GATA4: variants seen among roughly 807,000 people sequenced by gnomAD.
GATA4 encodes GATA binding protein 4, also known as transcription factor GATA-4.
GATA4 carries 7 observed loss-of-function variants against 37.9 expected under a neutral mutation model. The ratio of observed to expected loss-of-function variants is 0.18; its 90% CI spans 0.11 to 0.35. The LOEUF (loss-of-function observed/expected upper bound fraction) is 0.35, where lower values mean the gene tolerates loss of function less well. Ranked by LOEUF, GATA4 falls within the 10% of genes least tolerant of loss-of-function variation. The pLI is 1.00. For synonymous variants in GATA4, 372 were observed against 292.6 expected, an observed-to-expected ratio of 1.27 and a Z score of -2.77; for missense variants, 647 against 653.0, an observed-to-expected ratio of 0.99 and a Z score of 0.10.
intron 2 of GATA4, among the ~76,000 whole-genome samples, chr8:11,713,762 T>G (rs1226642482): frequency 6.6e-6 from 1 of 152,212 alleles, no homozygotes; most frequent in African/African-American, 2.4e-5. Flanking sequence ...GTATAGAATA[T>G]GGCTTGTCTT....
intron 2 of GATA4, among the ~76,000 whole-genome samples, chr8:11,744,254 C>A (rs1037565898): frequency 6.6e-6 from 1 of 152,234 alleles, no homozygotes; most frequent in African/African-American, 2.4e-5. Flanking sequence ...CAACTTCAGC[C>A]TCCTAACAAT....
At chr8:11,733,826 A>G (rs1585650680) in intron 2 of GATA4, among the ~76,000 whole-genome samples, 1 of 152,190 alleles carries the variant, frequency 6.6e-6, no homozygotes, top group South Asian at 2.1e-4. Context: ...CACCCCGATG[A>G]CACAGGCTTG....
chr8:11,740,259 A>T (rs1460337860), intron 2 of GATA4, among the ~76,000 whole-genome samples: 2 of 152,162 alleles, frequency 1.3e-5, no homozygotes, highest in Non-Finnish European at 2.9e-5. Flanking sequence ...AGACACAGAG[A>T]GGAGGGATCA....
At chr8:11,681,064 A>G (rs1798954235) in intron 1 of GATA4, 1 of 954,146 alleles carries the variant, frequency 1.0e-6, no homozygotes. Context: ...CTCTGGCCGG[A>G]TTTGGAGGGA....
chr8:11,687,854 A>C (rs554073903), upstream of GATA4, among the ~76,000 whole-genome samples: 1 of 152,162 alleles, frequency 6.6e-6, no homozygotes, highest in Admixed American at 6.5e-5. Context: ...AGAACTGATC[A>C]AGCCCTGCCC....
chr8:11,681,422 G>T lies in GATA4; in HGVS notation c.-274+4359G>T, dbSNP rs924354302. 3.0e-4 allele frequency: 297 copies of T among 985,066 alleles called. 1 individual carries two copies. The highest frequency in any genetic ancestry group is 3.4e-4 in the Non-Finnish European group (281 of 829,916). The allele number at this position is 985,066 out of a possible 1,614,324, so 61.0% of individuals were successfully genotyped here. ...GGGATCACGCGTGGCTCAACTCGGGGGCCGTAGCTACGATCCCCGCGCAGA... is the reference window on the plus strand; with the variant it reads ...GGGATCACGCGTGGCTCAACTCGGGTGCCGTAGCTACGATCCCCGCGCAGA... On this transcript the variant is annotated intron_variant, in intron 1 of 6. Coordinates refer to the GATA4 transcript ENST00000528712.
chr8:11,705,642 C>G (rs1443766463), intron 1 of GATA4, among the ~76,000 whole-genome samples: 1 of 152,194 alleles, frequency 6.6e-6, no homozygotes, highest in African/African-American at 2.4e-5. Context: ...GATCCAGGCT[C>G]AATTTCAACA....
chr8:11,691,480 C>G (rs1255913555), upstream of GATA4, among the ~76,000 whole-genome samples: 1 of 152,182 alleles, frequency 6.6e-6, no homozygotes, highest in East Asian at 1.9e-4. Context: ...TTTTCTATTC[C>G]TTATTAAAGA....
chr8:11,748,191 C>T (rs985814197), intron 2 of GATA4, among the ~76,000 whole-genome samples: 4 of 152,184 alleles, frequency 2.6e-5, no homozygotes, highest in Non-Finnish European at 5.9e-5. Context: ...GCACTCTAGC[C>T]TGGGCAACAA....
intron 1 of GATA4, chr8:11,680,681 C>A (rs1798936644): frequency 1.0e-6 from 1 of 985,326 alleles, no homozygotes; most frequent in Non-Finnish European, 1.2e-6. Context: ...GTCAGAGACC[C>A]CCCCCTTGGG....
Position 11,708,390 on chromosome 8 carries a change from C to G in GATA4, c.78C>G (p.Phe26Leu). The change falls in exon 2 of 7, where the codon TTC becomes TTG. Residue 26 changes from phenylalanine (F) to leucine (L), a missense_variant. Transcript: ENST00000532059. The surrounding 1 kb of genome is among the most constrained non-coding windows in gnomAD (Gnocchi z 6.7). ...ACGAGGCGGGCGGCCCCGGCGCCTT[C>G]ATGCACGGCGCGGGCGCCGCGTCCT... ...GAYEAGGPGA[F>L]MHGAGAASSP... 6.5e-7 allele frequency: 1 copy of G among 1,548,572 alleles called. No individual in the cohort carries two copies. The highest frequency in any genetic ancestry group is 8.7e-7 in the Non-Finnish European group (1 of 1,154,152).
At chr8:11,719,845 A>C (rs1328099088) in intron 2 of GATA4, among the ~76,000 whole-genome samples, 1 of 152,246 alleles carries the variant, frequency 6.6e-6, no homozygotes, top group African/African-American at 2.4e-5. Flanking sequence ...TGAATGGAAG[A>C]GTTGGGTGTA....
At chr8:11,692,900 C>G (rs555168980) in intron 1 of GATA4, 2 of 983,418 alleles carry the variant, frequency 2.0e-6, no homozygotes, top group South Asian at 9.4e-5. Context: ...CCGCGCTCGC[C>G]TCCAGCCGCC....
intron 2 of GATA4, among the ~76,000 whole-genome samples, chr8:11,712,180 C>G (rs1193338794): frequency 6.6e-6 from 1 of 152,182 alleles, no homozygotes; most frequent in Non-Finnish European, 1.5e-5. Context: ...TATTGAATAG[C>G]CACTCACTGT....
chr8:11,690,900 G>C (rs956651806), upstream of GATA4, among the ~76,000 whole-genome samples: 1 of 152,222 alleles, frequency 6.6e-6, no homozygotes, highest in African/African-American at 2.4e-5. Context: ...GGTTATGTAA[G>C]AAGATACCCT....
At chr8:11,690,741 C>T (rs1172330564), upstream of GATA4, among the ~76,000 whole-genome samples, 1 of 152,096 alleles carries the variant, frequency 6.6e-6, no homozygotes, top group African/African-American at 2.4e-5. Context: ...TCTGGTGGTG[C>T]GCACCTGTAC....
chr8:11,685,084 C>G (rs1799096192), intron 1 of GATA4, among the ~76,000 whole-genome samples: 1 of 152,042 alleles, frequency 6.6e-6, no homozygotes, highest in Admixed American at 6.5e-5. Flanking sequence ...CAAGGACGCA[C>G]CAAACATTAT....
intron 4 of GATA4, among the ~76,000 whole-genome samples, chr8:11,752,757 T>C (rs1359197199): frequency 3.3e-5 from 5 of 152,232 alleles, no homozygotes; most frequent in Non-Finnish European, 5.9e-5. Flanking sequence ...TGTTGTTAAC[T>C]TAGTCTCATG....
Position 11,757,035 on chromosome 8 carries a change from G to C in GATA4, c.1101G>C (p.Thr367=), listed in dbSNP as rs771381966. Residue 367 remains threonine (T), a synonymous_variant, in exon 6 of 7, where the codon ACG becomes ACC. Coordinates refer to ENST00000532059, the MANE Select transcript of GATA4 (RefSeq NM_001308093.3). ...SSSEEMRPIK[T]EPGLSSHYGH... ...GCGAGGAGATGCGTCCCATCAAGAC[G>C]GAGCCTGGCCTGTCATCTCACTACG... The C allele has an allele frequency of 8.1e-6, 13 of 1,614,098 alleles. No individual in the cohort carries two copies. In the African/African-American group the frequency reaches 1.5e-4, roughly 18 times the overall value.
Sources: gnomAD v4.1 joint callset for allele counts (sites outside exome capture counted in the v4.1 genomes callset) on GRCh38, gnomAD v4.1.1 for gene constraint, Gnocchi (gnomAD v3.1) non-coding constraint, MANE v1.5 for transcripts, NCBI Gene and HGNC (gene_info 2026-07-23, HGNC 2026-07-21) for gene names.